The following MACF1 variants were observed in gnomAD, a reference collection of about 807,000 sequenced individuals.
The protein encoded by MACF1 is microtubule-actin cross-linking factor 1.
MACF1 carries 193 observed loss-of-function variants against 854.8 expected under a neutral mutation model. That is an observed-to-expected ratio of 0.23 (90% CI 0.20 to 0.25). MACF1 has a LOEUF of 0.25. Ranked by LOEUF, MACF1 falls within the 10% of genes least tolerant of loss-of-function variation. MACF1 has a pLI of 1.00. For missense variants in MACF1, 7,722 were observed against 8,929.1 expected (o/e 0.86, Z 5.45); for synonymous variants, 3,185 against 3,226.7 (o/e 0.99, Z 0.44).
chr1:39,299,244 G>A (rs1313425054), intron 21 of MACF1: 1 of 455,840 alleles, frequency 2.2e-6, no homozygotes, highest in African/African-American at 2.0e-5. Flanking sequence ...TCATGCTCCC[G>A]GGGACAGGCA....
chr1:39,119,542 G>C (rs561793495), intron 2 of MACF1, among the ~76,000 whole-genome samples: 2 of 152,174 alleles, frequency 1.3e-5, no homozygotes, highest in East Asian at 3.9e-4. Context: ...TTCATGAATT[G>C]AGCTACTTTG....
At chr1:39,196,564 G>A (rs772080768) in intron 2 of MACF1, among the ~76,000 whole-genome samples, 2 of 152,066 alleles carry the variant, frequency 1.3e-5, no homozygotes, top group Non-Finnish European at 2.9e-5. Flanking sequence ...CAGTCCTATC[G>A]GTTATGTGCT....
rs12063889 is a variant in MACF1 at position 39,158,713 on chromosome 1, C to T, written c.221-72469C>T. Among the ~76,000 whole-genome samples, 617 of 152,294 alleles carry T rather than the reference C, an allele frequency of 4.1e-3. 3 individuals are homozygous for T. The highest frequency in any genetic ancestry group is 0.014 in the African/African-American group (596 of 41,556). On this transcript the variant is annotated intron_variant, in intron 2 of 93. Transcript: ENST00000361689. ...GGCAGGGGCGGTTGTGGTCCCGTAG[C>T]TCATTTGCACAAAGGAGGGGCTGGC...
At chr1:39,225,244 C>G (rs1199244899) in intron 1 of MACF1, among the ~76,000 whole-genome samples, 1 of 108,482 alleles carries the variant, frequency 9.2e-6, no homozygotes, top group Non-Finnish European at 1.8e-5. Context: ...GAGTCTCGCT[C>G]TGTCGCCCAG....
rs74066725 is a variant in MACF1 at position 39,269,062 on chromosome 1, T to C, written c.528+11034T>C. On this transcript the variant is annotated intron_variant, in intron 6 of 100. Coordinates refer to ENST00000564288, the MANE Select transcript of MACF1 (RefSeq NM_001394062.1). ...GGGGAGGTCCAGACCGCCCACCTTT[T>C]GTTAGAGAATGAGTCATCAGTTGCT... The C allele has an allele frequency of 7.0e-6, 9 of 1,289,628 alleles. No homozygotes were observed. The South Asian group carries it at 9.9e-5, about 14-fold the overall frequency. 79.9% of individuals were successfully genotyped at this position (1,289,628 alleles called of 1,614,324 possible). A position where few individuals can be genotyped will look rare whatever the true frequency, so the allele number is the denominator to read the frequency against.
At chr1:39,280,343 G>A (rs528450710) in intron 6 of MACF1, among the ~76,000 whole-genome samples, 1 of 152,226 alleles carries the variant, frequency 6.6e-6, no homozygotes, top group Admixed American at 6.5e-5. Context: ...ATGCACCAAA[G>A]GACTGTGATC....
intron 56 of MACF1, among the ~76,000 whole-genome samples, chr1:39,384,750 T>C (rs1650539945): frequency 6.6e-6 from 1 of 152,222 alleles, no homozygotes; most frequent in South Asian, 2.1e-4. Context: ...GCCCAGCTAG[T>C]AATACAGCTG....
intron 2 of MACF1, among the ~76,000 whole-genome samples, chr1:39,170,640 T>G (rs1305266226): frequency 6.6e-6 from 1 of 152,248 alleles, no homozygotes; most frequent in Non-Finnish European, 1.5e-5. Context: ...TTTAATGGAT[T>G]CATTCAGCAG....
chr1:39,314,569 TCACACACACACACACACACACACA>T (rs58459573), intron 26 of MACF1, among the ~76,000 whole-genome samples: 1 of 65,306 alleles, frequency 1.5e-5, no homozygotes, highest in African/African-American at 4.7e-5. Flanking sequence ...TCTCTCTCTC[TCACACACACACACACACACACACA>T]CACACACACA....
intron 2 of MACF1, among the ~76,000 whole-genome samples, chr1:39,125,920 G>A (rs1642848543): frequency 6.6e-6 from 1 of 152,232 alleles, no homozygotes; most frequent in Non-Finnish European, 1.5e-5. Context: ...TTTAACCCGG[G>A]AGGCGGAGGT....
At chr1:39,257,325 C>T (rs549966669) in intron 5 of MACF1, among the ~76,000 whole-genome samples, 5 of 150,660 alleles carry the variant, frequency 3.3e-5, no homozygotes, top group South Asian at 4.2e-4. Context: ...TTTTTTGAGA[C>T]GGAGTCTCAC....
intron 95 of MACF1, among the ~76,000 whole-genome samples, chr1:39,467,330 A>C (rs757827916): frequency 1.6e-4 from 25 of 152,124 alleles, no homozygotes; most frequent in Non-Finnish European, 2.8e-4. Context: ...GCGCCACTGC[A>C]CTCCAGCCTA....
intron 89 of MACF1, among the ~76,000 whole-genome samples, chr1:39,456,422 A>G (rs1412948286): frequency 6.6e-6 from 1 of 152,204 alleles, no homozygotes; most frequent in Non-Finnish European, 1.5e-5. Flanking sequence ...ATAGGCTTTG[A>G]GTTAGATGAT....
intron 2 of MACF1, among the ~76,000 whole-genome samples, chr1:39,118,754 G>A (rs1642608531): frequency 6.6e-6 from 1 of 152,004 alleles, no homozygotes; most frequent in South Asian, 2.1e-4. Context: ...AATAGGTTTG[G>A]GGGCAGTATT....
rs1304702741 is a variant in MACF1, at chr1:39,347,085, C to T, written c.10690C>T (p.Arg3564Ter). 2 of 1,613,316 alleles carry T rather than the reference C, an allele frequency of 1.2e-6. No homozygotes were observed. The highest frequency in any genetic ancestry group is 1.7e-6 in the Non-Finnish European group (2 of 1,179,234). Residue 3564 changes from arginine (R) to a stop codon, truncating the protein, a stop_gained, in exon 41 of 101, where the codon CGA becomes TGA. Coordinates refer to ENST00000564288, the MANE Select transcript of MACF1 (RefSeq NM_001394062.1). LOFTEE classifies it high-confidence loss of function. ...CCAGGACTTGTCCCCTCAGCAGAAT[C>T]GACAGATGCTGAGGCTTCTGAATGA... ...HAQDLSPQQN[R>*]QMLRLLNELQ...
intron 58 of MACF1, among the ~76,000 whole-genome samples, chr1:39,392,313 G>A (rs1320317617): frequency 1.3e-5 from 2 of 152,106 alleles, no homozygotes; most frequent in Non-Finnish European, 2.9e-5. Flanking sequence ...CCCATTCTGA[G>A]GACTGAGTCA....
intron 27 of MACF1, among the ~76,000 whole-genome samples, chr1:39,316,184 G>A (rs915373813): frequency 8.5e-5 from 13 of 152,274 alleles, no homozygotes; most frequent in African/African-American, 3.1e-4. Flanking sequence ...ATGTTCCAAT[G>A]CCACTTAGAA....
chr1:39,422,000 G>A lies in MACF1; in HGVS notation c.15817-374G>A, dbSNP rs182731727. ...TGAGGCAGGAGAATGGCATGAACCCGAGAGGCGGAGCTTGCAGTGAGCCGA... is the reference window on the plus strand; with the variant it reads ...TGAGGCAGGAGAATGGCATGAACCCAAGAGGCGGAGCTTGCAGTGAGCCGA... On this transcript the variant is annotated intron_variant, in intron 58 of 100. Coordinates refer to ENST00000564288, the MANE Select transcript of MACF1 (RefSeq NM_001394062.1). Among the ~76,000 whole-genome samples, 75 of 152,126 alleles carry A rather than the reference G, an allele frequency of 4.9e-4. No individual in the cohort carries two copies. In the South Asian group the frequency reaches 5.2e-3, roughly 11 times the overall value.
At chr1:39,378,158 T>G (rs1649878716) in intron 52 of MACF1, among the ~76,000 whole-genome samples, 1 of 152,200 alleles carries the variant, frequency 6.6e-6, no homozygotes, top group Admixed American at 6.5e-5. Context: ...CTGAATAATT[T>G]TACCAGTACT....
Sources: gnomAD v4.1 joint callset for allele counts (sites outside exome capture counted in the v4.1 genomes callset) on GRCh38, gnomAD v4.1.1 for gene constraint, MANE v1.5 for transcripts, NCBI Gene and HGNC (gene_info 2026-07-23, HGNC 2026-07-21) for gene names.